Variants in NAE1 observed in about 807,000 individuals in gnomAD.
NAE1 encodes the protein NEDD8-activating enzyme E1 regulatory subunit.
A neutral mutation model predicts 88.0 loss-of-function variants in NAE1; 59 were observed. The observed-to-expected ratio is 0.67, with a 90% confidence interval of 0.54 to 0.83. The LOEUF is 0.83. Ranked by LOEUF, NAE1 falls within the 40% of genes least tolerant of loss-of-function variation. The pLI is 0.00. For synonymous variants in NAE1, 186 were observed against 208.9 expected, an observed-to-expected ratio of 0.89 and a Z score of 0.95; for missense variants, 554 against 632.8, an observed-to-expected ratio of 0.88 and a Z score of 1.34.
At chr16:66,829,400 G>A (rs192168452) in intron 1 of NAE1, among the ~76,000 whole-genome samples, 24 of 152,276 alleles carry the variant, frequency 1.6e-4, no homozygotes, top group Non-Finnish European at 1.5e-5. Context: ...GAGTACCTCC[G>A]AAAAAGCCAG....
At position 66,826,742 on chromosome 16, in the gene NAE1, G is replaced by A. The variant is rs1960478785; in HGVS notation, c.92C>T (p.Ala31Val). 2.5e-6 allele frequency: 4 copies of A among 1,613,936 alleles called. No homozygotes were observed. Among genetic ancestry groups the A allele is most frequent in the Non-Finnish European group, 3.4e-6 (4 of 1,180,012 alleles). Residue 31 changes from alanine (A) to valine (V), a missense_variant, in exon 2 of 20, where the codon GCT becomes GTT. Ala to Val is a moderately conservative substitution (Grantham distance 64). Transcript: ENST00000290810. ...TGTTGCATTTATTAGGCAAACATGA[G>A]CAGATTCTAAAGCCTCTTGCCCATG... ...GDHGQEALES[A>V]HVCLINATAT... is the part of the protein sequence containing the mutation.
At chr16:66,817,574 T>C in intron 8 of NAE1, 87 bp from the exon 9 acceptor site, 1 of 881,796 alleles carries the variant, frequency 1.1e-6, no homozygotes, top group Non-Finnish European at 1.7e-6. Flanking sequence ...CAACAATATT[T>C]ATGATCTCCT....
rs1959900548 is a variant in NAE1 at position 66,813,420 on chromosome 16, C to A, written c.1034+144G>T. 5 of 998,756 alleles carry A rather than the reference C, an allele frequency of 5.0e-6. No homozygotes were observed. The African/African-American group carries it at 8.2e-5, about 16-fold the overall frequency. 61.9% of individuals were successfully genotyped at this position (998,756 alleles called of 1,614,324 possible). ...CCTCCCAAAGTGTTGGGATTACAGG[C>A]ATGAGCCACTGCAGCTGGCCTAGTT... On this transcript the variant is annotated intron_variant, in intron 13 of 19. Coordinates refer to ENST00000290810, the MANE Select transcript of NAE1 (RefSeq NM_003905.4).
intron 3 of NAE1, among the ~76,000 whole-genome samples, chr16:66,825,217 G>A (rs1361991713): frequency 6.6e-6 from 1 of 152,168 alleles, no homozygotes; most frequent in East Asian, 1.9e-4. Context: ...GGAGGCCGAG[G>A]TGGGCGGATC....
At position 66,818,562 on chromosome 16, in the gene NAE1, A is replaced by T. The variant is rs1162905998; in HGVS notation, c.587T>A (p.Phe196Tyr). The change falls in exon 8 of 20, where the codon TTT becomes TAT. Residue 196 changes from phenylalanine (F) to tyrosine (Y), a missense_variant. Transcript: ENST00000290810. ...DKPFPELREH[F>Y]QSYDLDHMEK... ...CATATGATCCAAATCATAGGACTGA[A>T]AATGTTCTCTCAGTTCAGGAAATGG... 6.2e-7 allele frequency: 1 copy of T among 1,613,194 alleles called. No individual in the cohort carries two copies.
Position 66,826,545 on chromosome 16 carries a change from T to C in NAE1, c.196A>G (p.Ser66Gly), listed in dbSNP as rs760247598. The change falls in exon 3 of 20, where the codon AGC (serine) becomes GGC (glycine). Residue 66 changes from serine to glycine, a missense_variant. Ser to Gly is a moderately conservative substitution (Grantham distance 56, BLOSUM62 0). Transcript: ENST00000290810. ...SFTIIDGNQV[S>G]GEDAGNNFFL... ...TACTTGTTTCCAGCATCTTCTCCGC[T>C]GACCTGATTTCCATCAATAATTGTA... 1.9e-6 allele frequency: 3 copies of C among 1,614,194 alleles called. No individual in the cohort carries two copies. The highest frequency in any genetic ancestry group is 1.1e-5 in the South Asian group (1 of 91,088).
At chr16:66,805,868 G>A in intron 18 of NAE1, 42 bp from the exon 19 acceptor site, 1 of 1,589,642 alleles carries the variant, frequency 6.3e-7, no homozygotes, top group South Asian at 1.2e-5. Context: ...TTAGCCTTAT[G>A]ACAGGTGTGG....
rs183786814 is a variant in NAE1 at position 66,817,694 on chromosome 16, C to T, written c.622-207G>A. ...TATGTCACATATATACTATGATTGT[C>T]CCCATTATACCAGCAAAACAGTCTC... On this transcript the variant is annotated intron_variant, in intron 8 of 19. Coordinates refer to ENST00000290810, the MANE Select transcript of NAE1 (RefSeq NM_003905.4). 2.0e-4 allele frequency among the ~76,000 whole-genome samples: 30 copies of T among 152,202 alleles called. No homozygotes were observed. The East Asian group carries it at 4.8e-3, about 25-fold the overall frequency.
chr16:66,826,279 G>A (rs1003940153), intron 3 of NAE1: 1 of 493,658 alleles, frequency 2.0e-6, no homozygotes, highest in Non-Finnish European at 3.6e-6. Flanking sequence ...CATGAATAAA[G>A]GAATAACGAC....
chr16:66,817,467 C>A lies in NAE1; in HGVS notation c.642G>T (p.Trp214Cys). Residue 214 changes from tryptophan (W) to cysteine (C), a missense_variant, in exon 9 of 20, where the codon TGG becomes TGT. Transcript: ENST00000290810. ...MEKKDHSHTP[W>C]IVIIAKYLAQ... Reference sequence around the variant, plus strand: ...CTAAATATTTAGCTATGATCACAATCCATGGAGTATGACTGTGGTCCTAAA... The same window carrying A: ...CTAAATATTTAGCTATGATCACAATACATGGAGTATGACTGTGGTCCTAAA... 1 of 1,596,966 alleles carries A rather than the reference C, an allele frequency of 6.3e-7. No homozygotes were observed. The highest frequency in any genetic ancestry group is 1.1e-5 in the South Asian group (1 of 87,170).
chr16:66,818,387 TA>T, intron 8 of NAE1, 140 bp downstream of exon 8: 2 of 638,194 alleles, frequency 3.1e-6, no homozygotes, highest in Non-Finnish European at 2.5e-6. Flanking sequence ...GAAAACAAGG[TA>T]AAATACTGTT....
At chr16:66,817,138 T>A in intron 9 of NAE1, 110 bp from the exon 10 acceptor site, 1 of 1,377,250 alleles carries the variant, frequency 7.3e-7, no homozygotes, top group South Asian at 1.5e-5. Flanking sequence ...ACAAATATAT[T>A]TCTCTGTGAA....
rs1960528340 is a variant in NAE1 at position 66,827,868 on chromosome 16, T to C, written c.54-1088A>G. 3.4e-6 allele frequency: 3 copies of C among 888,872 alleles called. No individual in the cohort carries two copies. The South Asian group carries it at 4.7e-5, about 14-fold the overall frequency. The allele number at this position is 888,872 out of a possible 1,614,324, so 55.1% of individuals were successfully genotyped here. A position where few individuals can be genotyped will look rare whatever the true frequency, so the allele number is the denominator to read the frequency against. On this transcript the variant is annotated intron_variant, in intron 1 of 19. Coordinates refer to ENST00000290810, the MANE Select transcript of NAE1 (RefSeq NM_003905.4). ...ACTGCCTTGTTTTTTGTTTTTGTTT[T>C]TGATACAGGGTCTTACTATGTTATC...
Position 66,818,525 on chromosome 16 carries a change from A to C in NAE1, c.621+3T>G. On this transcript the variant is annotated splice_donor_region_variant and intron_variant, in intron 8 of 19. Transcript: ENST00000290810. ...TAAATGTAAGGTCACACACACTACC[A>C]ACCTTTTTTTCCATATGATCCAAAT... The C allele has an allele frequency of 6.2e-7, 1 of 1,606,940 alleles. No individual in the cohort carries two copies. Among genetic ancestry groups the C allele is most frequent in the Non-Finnish European group, 8.5e-7 (1 of 1,177,390 alleles).
At chr16:66,811,573 G>A (rs540198840) in intron 13 of NAE1, among the ~76,000 whole-genome samples, 7 of 152,072 alleles carry the variant, frequency 4.6e-5, no homozygotes, top group African/African-American at 1.4e-4. Context: ...ATACCACTGA[G>A]ACAGACCATG....
At chr16:66,830,097 G>A (rs184449203) in intron 1 of NAE1, among the ~76,000 whole-genome samples, 194 of 152,136 alleles carry the variant, frequency 1.3e-3, no homozygotes, top group African/African-American at 4.5e-3. Flanking sequence ...ATGTTGCCCA[G>A]GCTGGTCTCG....
intron 7 of NAE1, among the ~76,000 whole-genome samples, chr16:66,820,879 CAA>C: frequency 7.8e-6 from 1 of 128,300 alleles, no homozygotes; most frequent in Non-Finnish European, 1.6e-5. Flanking sequence ...CCAGCCTGAG[CAA>C]AAGAGAGAGA....
chr16:66,819,747 TGG>T (rs1960178984), intron 7 of NAE1, among the ~76,000 whole-genome samples: 3 of 152,244 alleles, frequency 2.0e-5, no homozygotes, highest in Non-Finnish European at 4.4e-5. Context: ...TTTGGATTTT[TGG>T]ATTAAGGATA....
chr16:66,815,979 T>C (rs966387847), intron 11 of NAE1, among the ~76,000 whole-genome samples: 4 of 152,186 alleles, frequency 2.6e-5, no homozygotes, highest in African/African-American at 9.7e-5. Flanking sequence ...CAGCACACTT[T>C]TAATCACTCA....
Sources: allele counts gnomAD v4.1 joint callset (sites outside exome capture counted in the v4.1 genomes callset), GRCh38; gene constraint gnomAD v4.1.1; transcripts MANE v1.5; gene names NCBI Gene and HGNC (gene_info 2026-07-23, HGNC 2026-07-21).